Variants in SLC38A8 observed in about 807,000 individuals in gnomAD.
The protein encoded by SLC38A8 is solute carrier family 38 member 8, also known as amino acid transporter SLC38A8.
Under a neutral mutation model 46.0 loss-of-function variants are expected in SLC38A8, and 65 were observed. That is an observed-to-expected ratio of 1.41 (90% CI 1.16 to 1.74). The LOEUF is 1.74. SLC38A8 is among the 40% of genes most tolerant of loss of function. The probability of loss-of-function intolerance (pLI) is 0.00; values close to 1 mark genes in which losing one functional copy is unlikely to be tolerated. For synonymous variants in SLC38A8, 447 were observed against 243.7 expected (o/e 1.83, Z -7.77); for missense variants, 998 against 567.9 (o/e 1.76, Z -7.70).
At chr16:84,012,645 G>T (rs1305364769) in intron 10 of SLC38A8, among the ~76,000 whole-genome samples, 1 of 152,206 alleles carries the variant, frequency 6.6e-6, no homozygotes, top group Non-Finnish European at 1.5e-5. Flanking sequence ...GCCGGCCATG[G>T]GGCCTTTCTA....
rs2151124934 is a variant in SLC38A8, at chr16:84,031,911, G to A, written c.588C>T (p.Tyr196=). Residue 196 remains tyrosine, a synonymous_variant, in exon 5 of 11, where the codon TAC becomes TAT. Coordinates refer to ENST00000299709, the MANE Select transcript of SLC38A8 (RefSeq NM_001080442.3). ...CACGCACGAGGCCCTGGGGCCAGAG[G>A]TAGTACTGCACGGTGATGACCAGGG... is the stretch of plus-strand genomic sequence containing the variant. ...YLALVITVQY[Y]LWPQGLVRES... is the part of the protein sequence containing the mutation. 1.9e-6 allele frequency: 3 copies of A among 1,614,216 alleles called. No individual in the cohort carries two copies. The highest frequency in any genetic ancestry group is 2.2e-5 in the South Asian group (2 of 91,084).
At chr16:84,026,322 T>C (rs1383357973) in intron 6 of SLC38A8, among the ~76,000 whole-genome samples, 1 of 152,158 alleles carries the variant, frequency 6.6e-6, no homozygotes. Flanking sequence ...CTCCACATCC[T>C]GGGTTCAAGG....
At chr16:84,015,557 C>T (rs1269436566) in intron 9 of SLC38A8, among the ~76,000 whole-genome samples, 1 of 112,572 alleles carries the variant, frequency 8.9e-6, no homozygotes, top group Non-Finnish European at 1.8e-5. Context: ...AGCCCTGCTG[C>T]ATACTAGCTG....
At chr16:84,024,609 C>T (rs868810932) in intron 6 of SLC38A8, among the ~76,000 whole-genome samples, 29 of 152,156 alleles carry the variant, frequency 1.9e-4, no homozygotes, top group East Asian at 6.0e-4. Flanking sequence ...GGTGAAACCC[C>T]GTCTCTACTA....
rs190583132 is a variant in SLC38A8, at chr16:84,016,456, G to C, written c.1162+63C>G. The C allele has an allele frequency of 9.4e-3, 14,663 of 1,557,270 alleles. 113 individuals carry two copies. The highest frequency in any genetic ancestry group is 0.012 in the Non-Finnish European group (13,316 of 1,142,882). Reference sequence around the variant, plus strand: ...AGAACCTTGACCTCCAACACTGGGAGTCCCCACAGAGATGAGCAGGGAAGA... The same window carrying C: ...AGAACCTTGACCTCCAACACTGGGACTCCCCACAGAGATGAGCAGGGAAGA... On this transcript the variant is annotated intron_variant, in intron 9 of 10. Transcript: ENST00000299709.
chr16:84,012,361 G>A (rs374155752), intron 10 of SLC38A8, among the ~76,000 whole-genome samples: 1 of 152,176 alleles, frequency 6.6e-6, no homozygotes, highest in African/African-American at 2.4e-5. Flanking sequence ...CCACAGGTCC[G>A]CTCGGGGATA....
chr16:84,025,741 C>A (rs1349926531), intron 6 of SLC38A8, among the ~76,000 whole-genome samples: 1 of 152,224 alleles, frequency 6.6e-6, no homozygotes, highest in African/African-American at 2.4e-5. Context: ...GTCCTCTCAC[C>A]CCCAGGACAC....
At chr16:84,036,129 C>G (rs2085296912) in intron 3 of SLC38A8, among the ~76,000 whole-genome samples, 1 of 152,314 alleles carries the variant, frequency 6.6e-6, no homozygotes. Flanking sequence ...GTGAAGGAAT[C>G]TAAAAAACTC....
intron 7 of SLC38A8, among the ~76,000 whole-genome samples, chr16:84,021,090 C>T (rs2085089458): frequency 6.6e-6 from 1 of 152,064 alleles, no homozygotes; most frequent in African/African-American, 2.4e-5. Flanking sequence ...ATGACAGAGT[C>T]TCATTCTTGT....
chr16:84,037,965 C>A lies in SLC38A8; in HGVS notation c.190-1065G>T, dbSNP rs554200806. On this transcript the variant is annotated intron_variant, in intron 2 of 10. Transcript: ENST00000299709. ...CTGGGACTACAGGCACACACCACCA[C>A]ACCCAGCTAATTGTTTTTTGTATTT... is the stretch of plus-strand genomic sequence containing the variant. Among the ~76,000 whole-genome samples the A allele has an allele frequency of 2.6e-5, 4 of 152,224 alleles. No individual in the cohort carries two copies. In the East Asian group the frequency reaches 7.7e-4, roughly 29 times the overall value.
chr16:84,027,711 T>A (rs1005480690), intron 6 of SLC38A8, among the ~76,000 whole-genome samples: 2 of 152,168 alleles, frequency 1.3e-5, no homozygotes, highest in African/African-American at 4.8e-5. Context: ...CCTTCCCAGC[T>A]CTTCATCTCG....
chr16:84,021,293 G>C (rs1425401088), intron 7 of SLC38A8, among the ~76,000 whole-genome samples: 4 of 152,154 alleles, frequency 2.6e-5, no homozygotes, highest in African/African-American at 9.7e-5. Flanking sequence ...TCAAAATCCT[G>C]ACCTCAAGTG....
chr16:84,043,306 C>A (rs967643078), upstream of SLC38A8, among the ~76,000 whole-genome samples: 1 of 152,204 alleles, frequency 6.6e-6, no homozygotes, highest in Non-Finnish European at 1.5e-5. Flanking sequence ...GGCCCCATTC[C>A]GGAAAATGCT....
chr16:84,036,732 G>A lies in SLC38A8; in HGVS notation c.358C>T (p.Leu120Phe). The A allele has an allele frequency of 1.2e-6, 2 of 1,614,210 alleles. No homozygotes were observed. Among genetic ancestry groups the A allele is most frequent in the Non-Finnish European group, 8.5e-7 (1 of 1,180,044 alleles). ...LNLLMISVAF[L>F]RVIGDQLEKL... ...TCCAGCTGGTCCCCGATCACCCTGA[G>A]GAAGGCCACGGAGATCATGAGCAGG... The change falls in exon 3 of 11, where the codon CTC becomes TTC. Residue 120 changes from leucine to phenylalanine, a missense_variant. Transcript: ENST00000299709.
intron 10 of SLC38A8, 50 bp downstream of exon 10, chr16:84,012,951 C>G: frequency 6.3e-7 from 1 of 1,598,372 alleles, no homozygotes; most frequent in Non-Finnish European, 8.6e-7. Context: ...AACATTCTTA[C>G]TCTGATCCGG....
At chr16:84,036,671 G>C in intron 3 of SLC38A8, 31 bp downstream of exon 3, 2 of 1,612,670 alleles carry the variant, frequency 1.2e-6, no homozygotes, top group Non-Finnish European at 1.7e-6. Flanking sequence ...CCGGCACCCT[G>C]GGCCACCCCG....
chr16:84,026,844 C>T (rs1370042036), intron 6 of SLC38A8, among the ~76,000 whole-genome samples: 8 of 152,102 alleles, frequency 5.3e-5, no homozygotes. Flanking sequence ...TAGGCAAATC[C>T]AGACAGACAA....
intron 9 of SLC38A8, among the ~76,000 whole-genome samples, chr16:84,014,777 C>T (rs1212206867): frequency 6.6e-6 from 1 of 152,228 alleles, no homozygotes; most frequent in East Asian, 1.9e-4. Flanking sequence ...ACCCCTGAAT[C>T]TTAATTCACC....
chr16:84,032,518 G>C (rs370867614), intron 4 of SLC38A8, among the ~76,000 whole-genome samples: 2 of 152,254 alleles, frequency 1.3e-5, no homozygotes, highest in Non-Finnish European at 2.9e-5. Context: ...GGCGCCCTTC[G>C]GGATGGCAGC....
Sources: gnomAD v4.1 joint callset for allele counts (sites outside exome capture counted in the v4.1 genomes callset) on GRCh38, gnomAD v4.1.1 for gene constraint, MANE v1.5 for transcripts, NCBI Gene and HGNC (gene_info 2026-07-23, HGNC 2026-07-21) for gene names.